TCF7L2: variants seen among roughly 807,000 people sequenced by gnomAD.
TCF7L2 encodes transcription factor 7-like 2.
TCF7L2 carries 23 observed loss-of-function variants against 77.9 expected under a neutral mutation model. The ratio of observed to expected loss-of-function variants is 0.30; its 90% CI spans 0.21 to 0.42. The LOEUF is 0.42. Among genes scored for constraint, TCF7L2 ranks in the 10% least tolerant of loss-of-function variants. TCF7L2 has a pLI of 1.00. For missense variants in TCF7L2, 654 were observed against 793.1 expected (o/e 0.82, Z 2.11); for synonymous variants, 413 against 340.2 (o/e 1.21, Z -2.36).
chr10:112,958,803 C>T (rs893448221), intron 3 of TCF7L2, among the ~76,000 whole-genome samples: 4 of 151,992 alleles, frequency 2.6e-5, no homozygotes, highest in Admixed American at 6.6e-5. Flanking sequence ...TTTTATTAAG[C>T]CTGAATCACA....
intron 5 of TCF7L2, among the ~76,000 whole-genome samples, chr10:113,086,394 T>G (rs2059836381): frequency 6.6e-6 from 1 of 152,224 alleles, no homozygotes; most frequent in African/African-American, 2.4e-5. Flanking sequence ...TCCTTCCAGT[T>G]CTGGGCTCTG....
intron 5 of TCF7L2, among the ~76,000 whole-genome samples, chr10:113,050,357 G>T (rs566898812): frequency 6.6e-6 from 1 of 152,260 alleles, no homozygotes; most frequent in East Asian, 1.9e-4. Flanking sequence ...CAGCCTTGGG[G>T]ACTGAGCCAT....
chr10:113,019,757 T>C (rs532303807), intron 4 of TCF7L2, among the ~76,000 whole-genome samples: 1 of 151,948 alleles, frequency 6.6e-6, no homozygotes, highest in Non-Finnish European at 1.5e-5. Flanking sequence ...TTTGGATATA[T>C]TGATTTTTCA....
At chr10:113,042,860 C>G (rs2052701025) in intron 5 of TCF7L2, among the ~76,000 whole-genome samples, 1 of 152,156 alleles carries the variant, frequency 6.6e-6, no homozygotes, top group African/African-American at 2.4e-5. Flanking sequence ...TGAATGGTGG[C>G]TGATACATCA....
At chr10:113,031,401 A>G (rs971591594) in intron 4 of TCF7L2, among the ~76,000 whole-genome samples, 1 of 152,098 alleles carries the variant, frequency 6.6e-6, no homozygotes, top group African/African-American at 2.4e-5. Flanking sequence ...GCCACTACCA[A>G]GTTTCATTTA....
intron 5 of TCF7L2, among the ~76,000 whole-genome samples, chr10:113,083,259 G>GACACACACACACAC (rs10649541): frequency 7.1e-4 from 102 of 143,466 alleles, no homozygotes; most frequent in African/African-American, 1.4e-3. Context: ...TATACTGATA[G>GACACACACACACAC]ACACACACAC....
intron 4 of TCF7L2, among the ~76,000 whole-genome samples, chr10:113,022,494 G>A (rs1040158445): frequency 6.6e-6 from 1 of 152,166 alleles, no homozygotes; most frequent in Non-Finnish European, 1.5e-5. Flanking sequence ...AAATGAGTGG[G>A]AGTAGGGGCC....
At chr10:113,006,615 C>T (rs1264505023) in intron 4 of TCF7L2, among the ~76,000 whole-genome samples, 1 of 152,222 alleles carries the variant, frequency 6.6e-6, no homozygotes, top group South Asian at 2.1e-4. Context: ...TTTCAGACTC[C>T]GTCTCCCAGA....
chr10:113,152,136 A>G (rs2070878204), intron 10 of TCF7L2, among the ~76,000 whole-genome samples, 197 bp from the exon 11 acceptor site: 1 of 152,172 alleles, frequency 6.6e-6, no homozygotes, highest in South Asian at 2.1e-4. Flanking sequence ...TAGATAACAA[A>G]TCAAGTTTTG....
intron 4 of TCF7L2, among the ~76,000 whole-genome samples, chr10:112,985,944 GC>G (rs1335847221): frequency 3.9e-5 from 6 of 151,920 alleles, no homozygotes; most frequent in African/African-American, 1.4e-4. Flanking sequence ...TCACTTGAAA[GC>G]TTTGGAGTTT....
chr10:113,045,163 A>G (rs2053201843), intron 5 of TCF7L2, among the ~76,000 whole-genome samples: 1 of 152,092 alleles, frequency 6.6e-6, no homozygotes, highest in Non-Finnish European at 1.5e-5. Context: ...TTGTTTCTGC[A>G]AATATTTAGT....
At chr10:113,044,887 A>C (rs527823103) in intron 5 of TCF7L2, among the ~76,000 whole-genome samples, 1 of 152,260 alleles carries the variant, frequency 6.6e-6, no homozygotes, top group South Asian at 2.1e-4. Context: ...AGGATCTGAC[A>C]CTGGGGAGTC....
Position 112,950,860 on chromosome 10 carries a change from C to G in TCF7L2, c.104C>G (p.Ser35Cys), listed in dbSNP as rs776204265. The G allele has an allele frequency of 2.4e-5, 38 of 1,610,994 alleles. No individual in the cohort carries two copies. The highest frequency in any genetic ancestry group is 3.1e-5 in the Non-Finnish European group (36 of 1,178,868). Residue 35 changes from serine to cysteine, a missense_variant, in exon 1 of 14, where the codon TCC becomes TGC. Transcript: ENST00000627217. ...CAGGAGGAGAAGAGCTCCGAAAACT[C>G]CTCGGCAGAGAGGGATTTAGCTGAT...
At chr10:112,999,958 G>A (rs962319318) in intron 4 of TCF7L2, among the ~76,000 whole-genome samples, 1 of 152,162 alleles carries the variant, frequency 6.6e-6, no homozygotes, top group Admixed American at 6.5e-5. Context: ...TTGGGGTGTG[G>A]ACTGTTTATG....
At chr10:112,985,522 C>T (rs1343700955) in intron 4 of TCF7L2, among the ~76,000 whole-genome samples, 1 of 152,170 alleles carries the variant, frequency 6.6e-6, no homozygotes, top group Non-Finnish European at 1.5e-5. Flanking sequence ...CCAGAAACAA[C>T]ATGCCTGTCT....
At chr10:112,985,751 C>G (rs2041369314) in intron 4 of TCF7L2, among the ~76,000 whole-genome samples, 1 of 152,080 alleles carries the variant, frequency 6.6e-6, no homozygotes, top group Admixed American at 6.5e-5. Flanking sequence ...GTGAATGCCC[C>G]CCCCTTCACT....
intron 3 of TCF7L2, chr10:112,951,811 C>T (rs535468290): frequency 5.5e-4 from 92 of 166,480 alleles, no homozygotes; most frequent in Admixed American, 1.7e-3. Flanking sequence ...TTTGTTTGCA[C>T]TTCGCCACGT....
chr10:113,073,757 C>A (rs1224501537), intron 5 of TCF7L2, among the ~76,000 whole-genome samples: 1 of 152,066 alleles, frequency 6.6e-6, no homozygotes, highest in Non-Finnish European at 1.5e-5. Context: ...GCTTCCCGAT[C>A]TCCTTTTTTA....
chr10:113,141,135 G>A (rs2136832957), intron 5 of TCF7L2, 49 bp from the exon 6 acceptor site: 3 of 1,605,722 alleles, frequency 1.9e-6, no homozygotes, highest in African/African-American at 2.7e-5. Flanking sequence ...GAAGCCCTGG[G>A]CTGCTGGAAC....
Sources: allele counts gnomAD v4.1 joint callset (sites outside exome capture counted in the v4.1 genomes callset), GRCh38; gene constraint gnomAD v4.1.1; transcripts MANE v1.5; gene names NCBI Gene and HGNC (gene_info 2026-07-23, HGNC 2026-07-21).